BTBD9: variants seen among roughly 807,000 people sequenced by gnomAD.
The protein encoded by BTBD9 is BTB/POZ domain-containing protein 9.
Under a neutral mutation model 64.3 loss-of-function variants are expected in BTBD9, and 49 were observed. The ratio of observed to expected loss-of-function variants is 0.76; its 90% CI spans 0.61 to 0.97. BTBD9 has a LOEUF of 0.97. BTBD9 is among the 50% of genes least tolerant of loss of function. BTBD9 has a pLI of 0.00. For missense variants in BTBD9, 598 were observed against 762.1 expected (o/e 0.78, Z 2.53); for synonymous variants, 260 against 274.7 (o/e 0.95, Z 0.53).
chr6:38,360,960 A>C (rs1408095536), intron 6 of BTBD9, among the ~76,000 whole-genome samples: 2 of 152,130 alleles, frequency 1.3e-5, no homozygotes, highest in Non-Finnish European at 2.9e-5. Context: ...GCTGCTTCCA[A>C]TCAGTGTAAG....
At chr6:38,315,032 T>C (rs1762984497) in intron 7 of BTBD9, among the ~76,000 whole-genome samples, 1 of 152,058 alleles carries the variant, frequency 6.6e-6, no homozygotes, top group South Asian at 2.1e-4. Flanking sequence ...GTATTTTTAG[T>C]AGAGACGGGG....
At chr6:38,431,107 T>C (rs1464885061) in intron 6 of BTBD9, among the ~76,000 whole-genome samples, 2 of 151,866 alleles carry the variant, frequency 1.3e-5, no homozygotes, top group Non-Finnish European at 2.9e-5. Flanking sequence ...TTCTCTTCTC[T>C]CCTCTCTCCA....
At chr6:38,386,630 CTTTTTTTTTTTT>C (rs11423572) in intron 6 of BTBD9, among the ~76,000 whole-genome samples, 1 of 92,782 alleles carries the variant, frequency 1.1e-5, no homozygotes, top group African/African-American at 4.5e-5. Flanking sequence ...CCAGTTTACT[CTTTTTTTTTTTT>C]TTTTTTTTTT....
At chr6:38,487,099 C>G (rs1050014419) in intron 6 of BTBD9, among the ~76,000 whole-genome samples, 1 of 152,172 alleles carries the variant, frequency 6.6e-6, no homozygotes, top group East Asian at 1.9e-4. Context: ...TTTTCAGGAA[C>G]AGCACAAAGG....
At chr6:38,614,329 C>T (rs2127516387) in intron 1 of BTBD9, among the ~76,000 whole-genome samples, 1 of 152,212 alleles carries the variant, frequency 6.6e-6, no homozygotes, top group East Asian at 1.9e-4. Flanking sequence ...AGTAAGCTCC[C>T]AGAGGACAAT....
At chr6:38,520,385 CGA>C (rs1562290837) in intron 6 of BTBD9, among the ~76,000 whole-genome samples, 2 of 151,750 alleles carry the variant, frequency 1.3e-5, no homozygotes, top group East Asian at 3.9e-4. Context: ...CACTTGAACC[CGA>C]GAGGCAGAGG....
chr6:38,495,180 T>C (rs1029614925), intron 6 of BTBD9, among the ~76,000 whole-genome samples: 1 of 152,196 alleles, frequency 6.6e-6, no homozygotes, highest in African/African-American at 2.4e-5. Flanking sequence ...CCGCTACAGA[T>C]CAAAACAGGC....
intron 6 of BTBD9, among the ~76,000 whole-genome samples, chr6:38,549,594 A>T (rs1396690713): frequency 2.0e-5 from 3 of 152,196 alleles, no homozygotes; most frequent in South Asian, 4.1e-4. Context: ...GGGAAAAAAA[A>T]AAATCTTAGT....
intron 6 of BTBD9, among the ~76,000 whole-genome samples, chr6:38,411,579 T>C (rs1247101174): frequency 6.6e-6 from 1 of 152,128 alleles, no homozygotes; most frequent in Non-Finnish European, 1.5e-5. Context: ...ATCTTCATAC[T>C]GTACATGAGG....
At chr6:38,614,504 T>C (rs1261786904) in intron 1 of BTBD9, among the ~76,000 whole-genome samples, 3 of 152,150 alleles carry the variant, frequency 2.0e-5, no homozygotes, top group African/African-American at 4.8e-5. Flanking sequence ...CAGACCCCTA[T>C]ATTACCACTG....
intron 9 of BTBD9, among the ~76,000 whole-genome samples, chr6:38,218,120 C>T (rs1415332452): frequency 6.6e-6 from 1 of 152,144 alleles, no homozygotes; most frequent in Non-Finnish European, 1.5e-5. Flanking sequence ...TCACTGGTTC[C>T]TGATAATTCA....
chr6:38,281,606 A>G (rs1203767408), intron 8 of BTBD9, among the ~76,000 whole-genome samples: 1 of 152,212 alleles, frequency 6.6e-6, no homozygotes. Context: ...CCCACAGACT[A>G]AAGAGATTAT....
intron 1 of BTBD9, among the ~76,000 whole-genome samples, chr6:38,624,682 AG>A (rs1442710362): frequency 6.7e-6 from 1 of 148,924 alleles, no homozygotes; most frequent in Non-Finnish European, 1.5e-5. Flanking sequence ...CCCCCCATCC[AG>A]AAAAAAAAAA....
At chr6:38,314,234 C>G (rs1762953477) in intron 7 of BTBD9, among the ~76,000 whole-genome samples, 1 of 151,846 alleles carries the variant, frequency 6.6e-6, no homozygotes, top group Non-Finnish European at 1.5e-5. Flanking sequence ...CTCGCTCTGT[C>G]GCCCAGGCTG....
intron 6 of BTBD9, among the ~76,000 whole-genome samples, chr6:38,448,531 T>C (rs1769375396): frequency 6.6e-6 from 1 of 152,196 alleles, no homozygotes; most frequent in African/African-American, 2.4e-5. Context: ...TCTCTTTTTT[T>C]GAGACAGTCT....
intron 6 of BTBD9, among the ~76,000 whole-genome samples, chr6:38,483,186 A>G (rs1358807987): frequency 6.6e-6 from 1 of 151,624 alleles, no homozygotes; most frequent in Non-Finnish European, 1.5e-5. Context: ...TTCTACATGT[A>G]TTGCTACCCC....
chr6:38,422,097 G>C (rs80280737), intron 6 of BTBD9, among the ~76,000 whole-genome samples: 2 of 152,132 alleles, frequency 1.3e-5, no homozygotes, highest in Non-Finnish European at 2.9e-5. Flanking sequence ...GTTTTCATGG[G>C]GGGTAGTATC....
At chr6:38,223,152 C>G (rs796790273) in intron 9 of BTBD9, among the ~76,000 whole-genome samples, 22 of 152,156 alleles carry the variant, frequency 1.4e-4, no homozygotes, top group African/African-American at 5.1e-4. Context: ...GGTGATCCAC[C>G]TGCCTCGGCT....
intron 7 of BTBD9, among the ~76,000 whole-genome samples, chr6:38,331,984 C>T (rs1763691703): frequency 6.6e-6 from 1 of 152,106 alleles, no homozygotes; most frequent in Non-Finnish European, 1.5e-5. Flanking sequence ...GCCAATTAAA[C>T]AAGCCAAAAA....
Sources: allele counts gnomAD v4.1 joint callset (sites outside exome capture counted in the v4.1 genomes callset), GRCh38; gene constraint gnomAD v4.1.1; transcripts MANE v1.5; gene names NCBI Gene and HGNC (gene_info 2026-07-23, HGNC 2026-07-21).